LINGO1: variants seen among roughly 807,000 people sequenced by gnomAD.
LINGO1 encodes the protein leucine-rich repeat and immunoglobulin-like domain-containing nogo receptor-interacting protein 1.
LINGO1 carries 11 observed loss-of-function variants against 37.3 expected under a neutral mutation model. The observed-to-expected ratio is 0.29, with a 90% CI of 0.19 to 0.49. LINGO1 has a LOEUF of 0.49. LINGO1 is among the 20% of genes least tolerant of loss of function. The probability of loss-of-function intolerance (pLI) is 0.99; values close to 1 mark genes in which losing one functional copy is unlikely to be tolerated. For synonymous variants in LINGO1, 387 were observed against 403.0 expected, an observed-to-expected ratio of 0.96 and a Z score of 0.48; for missense variants, 585 against 878.2, an observed-to-expected ratio of 0.67 and a Z score of 4.22.
At chr15:77,768,573 T>G (rs4886906) in intron 1 of LINGO1, among the ~76,000 whole-genome samples, 143,307 of 152,176 alleles carry the variant, frequency 0.94, 67,586 homozygotes, top group Non-Finnish European at 0.97. Context: ...GGGACACTGG[T>G]GGGCAGGTTG....
At chr15:77,660,453 G>T (rs1392973067) in intron 3 of LINGO1, among the ~76,000 whole-genome samples, 2 of 152,158 alleles carry the variant, frequency 1.3e-5, no homozygotes, top group Non-Finnish European at 2.9e-5. Context: ...TGAGCCCTGG[G>T]GGGAGAGCAG....
At chr15:77,645,190 G>C (rs543657607) in intron 3 of LINGO1, among the ~76,000 whole-genome samples, 1 of 152,168 alleles carries the variant, frequency 6.6e-6, no homozygotes, top group Non-Finnish European at 1.5e-5. Flanking sequence ...CAGAACGGGC[G>C]GTGCAGGGAG....
At chr15:77,713,631 G>GCA (rs1343067552) in intron 2 of LINGO1, among the ~76,000 whole-genome samples, 1 of 151,744 alleles carries the variant, frequency 6.6e-6, no homozygotes, top group African/African-American at 2.4e-5. Context: ...ACACACACGC[G>GCA]CACACACACA....
chr15:77,695,906 A>C (rs1344914711), intron 1 of LINGO1: 1 of 145,450 alleles, frequency 6.9e-6, no homozygotes, highest in African/African-American at 2.6e-5. Flanking sequence ...TTTTCAAGAG[A>C]GAGAAACGGA....
upstream of LINGO1, among the ~76,000 whole-genome samples, chr15:77,700,999 G>C (rs1326481868): frequency 6.6e-6 from 1 of 152,216 alleles, no homozygotes; most frequent in African/African-American, 2.4e-5. Flanking sequence ...GAAAGCGGCA[G>C]TGTCCCCTGC....
intron 1 of LINGO1, among the ~76,000 whole-genome samples, chr15:77,745,165 C>T (rs1233121952): frequency 1.3e-4 from 19 of 150,814 alleles, no homozygotes; most frequent in African/African-American, 4.2e-4. Flanking sequence ...CGGTGGCTCA[C>T]GCCTGTAATC....
In LINGO1 at chr15:77,613,874, G is replaced by T; in HGVS notation, c.*170C>A. 1.6e-6 allele frequency: 1 copy of T among 633,382 alleles called. No individual in the cohort carries two copies. Among genetic ancestry groups the T allele is most frequent in the East Asian group, 2.7e-5 (1 of 36,422 alleles). The allele number at this position is 633,382 out of a possible 1,614,324, so 39.2% of individuals were successfully genotyped here. A position where few individuals can be genotyped will look rare whatever the true frequency, so the allele number is the denominator to read the frequency against. On this transcript the variant is annotated 3_prime_UTR_variant, in exon 2 of 2. Transcript: ENST00000355300. ...GCTTCTGAGGTCCTGGTAGAAGGAG[G>T]GCAGGTGGTGAGGGCTGGCGGGGGG...
intron 1 of LINGO1, among the ~76,000 whole-genome samples, chr15:77,807,428 G>A (rs774303172): frequency 1.3e-5 from 2 of 152,198 alleles, no homozygotes; most frequent in African/African-American, 2.4e-5. Context: ...GCTCTGTCCC[G>A]GGTGCAGCAG....
chr15:77,657,875 T>C (rs2074899748), intron 3 of LINGO1, among the ~76,000 whole-genome samples: 1 of 152,066 alleles, frequency 6.6e-6, no homozygotes, highest in South Asian at 2.1e-4. Flanking sequence ...TTCTTCACAC[T>C]CCCGCCTCCT....
At position 77,632,359 on chromosome 15, in the gene LINGO1, T is replaced by C. The variant is rs1277269918; in HGVS notation, c.-44A>G. On this transcript the variant is annotated 5_prime_UTR_variant, in exon 1 of 2. It removes an upstream start codon present in the reference 5' UTR. Transcript: ENST00000355300. The surrounding 1 kb of genome is among the most constrained non-coding windows in gnomAD (Gnocchi z 6.0). The stretch of plus-strand genomic sequence containing the variant: ...CCGCTCGGCTCGGTCACCAATCGCA[T>C]GTCTCTCCAGCCGGCCCGACCAGGC... 1.4e-6 allele frequency: 2 copies of C among 1,406,240 alleles called. No homozygotes were observed. The highest frequency in any genetic ancestry group is 1.9e-6 in the Non-Finnish European group (2 of 1,077,334). 87.1% of individuals were successfully genotyped at this position (1,406,240 alleles called of 1,614,324 possible).
At chr15:77,818,415 G>T (rs1474187120) in intron 1 of LINGO1, among the ~76,000 whole-genome samples, 1 of 152,218 alleles carries the variant, frequency 6.6e-6, no homozygotes, top group East Asian at 1.9e-4. Context: ...ACTCACAATG[G>T]GAGAGGGTAC....
intron 1 of LINGO1, chr15:77,819,408 G>C (rs968672559): frequency 6.6e-6 from 1 of 151,416 alleles, no homozygotes; most frequent in South Asian, 2.1e-4. Context: ...CGGCGAGCGC[G>C]GCAGGGAGGG....
intron 2 of LINGO1, among the ~76,000 whole-genome samples, chr15:77,733,088 C>T (rs1245039112): frequency 9.9e-5 from 15 of 152,148 alleles, no homozygotes; most frequent in Admixed American, 8.5e-4. Flanking sequence ...TCCCTCTCAG[C>T]GTGCAGCAGC....
intron 1 of LINGO1, among the ~76,000 whole-genome samples, chr15:77,763,234 C>T (rs74027314): frequency 0.042 from 6,403 of 152,234 alleles, 433 homozygotes; most frequent in African/African-American, 0.14. Flanking sequence ...CATACTGCCA[C>T]GCCAGGCTTG....
At chr15:77,745,080 T>C (rs1419802362) in intron 1 of LINGO1, among the ~76,000 whole-genome samples, 3 of 140,554 alleles carry the variant, frequency 2.1e-5, no homozygotes, top group Non-Finnish European at 4.5e-5. Flanking sequence ...ATTGCACCAC[T>C]GCACTCCAGC....
chr15:77,787,703 C>T (rs1449383878), upstream of LINGO1, among the ~76,000 whole-genome samples: 1 of 152,182 alleles, frequency 6.6e-6, no homozygotes, highest in East Asian at 1.9e-4. Context: ...TCTTCAGCGT[C>T]CCCACCTCCT....
rs1219722722 is a variant in LINGO1 at position 77,614,122 on chromosome 15, G to A, written c.1785C>T (p.Ile595=). The A allele has an allele frequency of 3.1e-6, 5 of 1,613,952 alleles. No individual in the cohort carries two copies. Among genetic ancestry groups the A allele is most frequent in the Admixed American group, 3.3e-5 (2 of 60,030 alleles). ...CGTCCGACTTTCGGGGCACATACTC[G>A]ATCTCGATGTTGTGCTTTGTGTTGC... ...GKGNTKHNIE[I]EYVPRKSDAG... The change falls in exon 2 of 2, where the codon ATC becomes ATT. Residue 595 remains isoleucine, a synonymous_variant. Coordinates refer to ENST00000355300, the MANE Select transcript of LINGO1 (RefSeq NM_032808.7).
chr15:77,666,223 G>T (rs1280611332), intron 3 of LINGO1, among the ~76,000 whole-genome samples: 3 of 152,248 alleles, frequency 2.0e-5, no homozygotes, highest in African/African-American at 7.2e-5. Context: ...CTTTGAGTGG[G>T]TGTTCCTTGG....
chr15:77,772,978 AC>A (rs1478586868), intron 1 of LINGO1, among the ~76,000 whole-genome samples: 1 of 152,054 alleles, frequency 6.6e-6, no homozygotes, highest in African/African-American at 2.4e-5. Context: ...TCAAGCTACT[AC>A]CCACTCAGCC....
Sources: allele counts gnomAD v4.1 joint callset (sites outside exome capture counted in the v4.1 genomes callset), GRCh38; gene constraint gnomAD v4.1.1; non-coding constraint Gnocchi (gnomAD v3.1); transcripts MANE v1.5; gene names NCBI Gene and HGNC (gene_info 2026-07-23, HGNC 2026-07-21).